GXYLT2: variants seen among roughly 807,000 people sequenced by gnomAD.
GXYLT2 encodes glucoside xylosyltransferase 2, also known as glycosyltransferase 8 domain containing 4.
GXYLT2 carries 53 observed loss-of-function variants against 45.8 expected under a neutral mutation model. The observed-to-expected ratio is 1.16, with a 90% confidence interval of 0.93 to 1.46. The LOEUF (loss-of-function observed/expected upper bound fraction) is 1.46. GXYLT2 is among the 40% of genes most tolerant of loss of function. The pLI is 0.00. For missense variants in GXYLT2, 551 were observed against 544.4 expected (o/e 1.01, Z -0.12); for synonymous variants, 219 against 214.2 (o/e 1.02, Z -0.19).
chr3:72,970,673 A>G (rs1710972028), intron 6 of GXYLT2, among the ~76,000 whole-genome samples: 1 of 152,036 alleles, frequency 6.6e-6, no homozygotes, highest in African/African-American at 2.4e-5. Context: ...CAGCCTGACC[A>G]ACATGGAGAA....
chr3:72,918,174 T>G (rs1709772688), intron 2 of GXYLT2, among the ~76,000 whole-genome samples: 1 of 152,210 alleles, frequency 6.6e-6, no homozygotes, highest in Non-Finnish European at 1.5e-5. Flanking sequence ...AGATTTGAAT[T>G]TCATATAATT....
intron 3 of GXYLT2, among the ~76,000 whole-genome samples, chr3:72,934,150 C>T (rs1002731198): frequency 2.7e-5 from 4 of 146,650 alleles, no homozygotes; most frequent in African/African-American, 7.6e-5. Flanking sequence ...GGTGTGATCA[C>T]AGCTTATTGA....
intron 6 of GXYLT2, among the ~76,000 whole-genome samples, chr3:72,971,188 C>A (rs2107159835): frequency 6.6e-6 from 1 of 152,244 alleles, no homozygotes; most frequent in Middle Eastern, 3.4e-3. Context: ...TGAGTTGCAA[C>A]TCATCTTGTT....
intron 3 of GXYLT2, among the ~76,000 whole-genome samples, chr3:72,934,806 A>C (rs1201834847): frequency 6.6e-6 from 1 of 152,158 alleles, no homozygotes. Context: ...CTTACACATG[A>C]ATGTTAAGAC....
At chr3:72,927,378 G>T (rs1709938697) in intron 3 of GXYLT2, 1 of 152,130 alleles carries the variant, frequency 6.6e-6, no homozygotes. Flanking sequence ...TGTAGTGAAA[G>T]CAACAATGTA....
Position 72,975,336 on chromosome 3 carries a change from A to AT in GXYLT2, c.*186dup, listed in dbSNP as rs988120906. The AT allele has an allele frequency of 1.6e-3, 621 of 377,846 alleles. No homozygotes were observed. The highest frequency in any genetic ancestry group is 3.9e-3 in the South Asian group (35 of 8,988). 23.4% of individuals were successfully genotyped at this position (377,846 alleles called of 1,614,324 possible). A position where few individuals can be genotyped will look rare whatever the true frequency, so the allele number is the denominator to read the frequency against. Reference sequence around the variant, plus strand: ...CCCAAAAGGGAATATGCTTTTCCTTATTTTTTTTTCTAAAATGCTATTTAT... The same window carrying AT: ...CCCAAAAGGGAATATGCTTTTCCTTATTTTTTTTTTCTAAAATGCTATTTAT... On this transcript the variant is annotated 3_prime_UTR_variant, in exon 7 of 7. Transcript: ENST00000389617.
At chr3:72,919,969 A>C (rs890038004) in intron 2 of GXYLT2, among the ~76,000 whole-genome samples, 8 of 152,254 alleles carry the variant, frequency 5.3e-5, no homozygotes, top group African/African-American at 1.7e-4. Context: ...ATATTGACTT[A>C]TCAGTTGTAA....
intron 3 of GXYLT2, among the ~76,000 whole-genome samples, chr3:72,931,521 G>A (rs1161306857): frequency 3.3e-5 from 5 of 151,946 alleles, no homozygotes; most frequent in Non-Finnish European, 7.4e-5. Flanking sequence ...GAGCCACCGC[G>A]CCCGGCCTAA....
intron 3 of GXYLT2, among the ~76,000 whole-genome samples, chr3:72,947,575 G>A (rs1377394168): frequency 1.3e-5 from 2 of 152,122 alleles, no homozygotes; most frequent in African/African-American, 2.4e-5. Context: ...GGAGATGGGT[G>A]GATCACTTGA....
chr3:72,912,013 A>ATTTTTTTT lies in GXYLT2; in HGVS notation c.468+3462_468+3469dup, dbSNP rs35108267. Among the ~76,000 whole-genome samples, 836 of 114,826 alleles carry ATTTTTTTT rather than the reference A, an allele frequency of 7.3e-3. 30 individuals carry two copies. The highest frequency in any genetic ancestry group is 0.031 in the African/African-American group (789 of 25,096). 75.3% of individuals were successfully genotyped at this position (114,826 alleles called of 152,430 possible). On this transcript the variant is annotated intron_variant, in intron 2 of 6. Coordinates refer to ENST00000389617, the MANE Select transcript of GXYLT2 (RefSeq NM_001080393.2). Reference sequence around the variant, plus strand: ...TGTGTGTATATATATATATATATATATTTTTTTTTTTTTTTGAGACAGCGT... The same window carrying ATTTTTTTT: ...TGTGTGTATATATATATATATATATATTTTTTTTTTTTTTTTTTTTTTTGAGACAGCGT...
chr3:72,955,612 G>A (rs1710625559), intron 4 of GXYLT2, among the ~76,000 whole-genome samples: 1 of 152,144 alleles, frequency 6.6e-6, no homozygotes, highest in African/African-American at 2.4e-5. Context: ...ATGTTTGAAC[G>A]CTTCATACCC....
At position 72,976,561 on chromosome 3, in the gene GXYLT2, C is replaced by A. The variant is rs1284338189; in HGVS notation, c.*1402C>A. 6.6e-6 allele frequency: 1 copy of A among 152,208 alleles called. No individual in the cohort carries two copies. Among genetic ancestry groups the A allele is most frequent in the Non-Finnish European group, 1.5e-5 (1 of 68,018 alleles). 9.4% of individuals were successfully genotyped at this position (152,208 alleles called of 1,614,324 possible). A position where few individuals can be genotyped will look rare whatever the true frequency, so the allele number is the denominator to read the frequency against. On this transcript the variant is annotated 3_prime_UTR_variant, in exon 7 of 7. Transcript: ENST00000389617. ...TTTCTTTCCCCCTAGGGTTACCTAG[C>A]TGGTCCATACAGGTTTTATCACCTC... is the stretch of plus-strand genomic sequence containing the variant.
intron 1 of GXYLT2, among the ~76,000 whole-genome samples, chr3:72,896,398 G>A (rs1380877631): frequency 6.6e-6 from 1 of 151,796 alleles, no homozygotes; most frequent in Non-Finnish European, 1.5e-5. Flanking sequence ...AATATAGTGA[G>A]ACACCCATCT....
At position 72,912,016 on chromosome 3, in the gene GXYLT2, T is replaced by A. The variant is rs973748712; in HGVS notation, c.468+3457T>A. ...GTGTATATATATATATATATATATT[T>A]TTTTTTTTTTTTGAGACAGCGTCTC... On this transcript the variant is annotated intron_variant, in intron 2 of 6. Coordinates refer to ENST00000389617, the MANE Select transcript of GXYLT2 (RefSeq NM_001080393.2). Among the ~76,000 whole-genome samples, 168 of 141,838 alleles carry A rather than the reference T, an allele frequency of 1.2e-3. 4 individuals carry two copies. The highest frequency in any genetic ancestry group is 8.6e-3 in the Admixed American group (122 of 14,200). 93.1% of individuals were successfully genotyped at this position (141,838 alleles called of 152,430 possible). A position where few individuals can be genotyped will look rare whatever the true frequency, so the allele number is the denominator to read the frequency against.
chr3:72,899,624 G>A (rs1559725773), intron 1 of GXYLT2, among the ~76,000 whole-genome samples: 1 of 152,124 alleles, frequency 6.6e-6, no homozygotes, highest in East Asian at 1.9e-4. Flanking sequence ...GGGAACTTTA[G>A]TAGTAACTCT....
chr3:72,972,699 G>C (rs9861719), intron 6 of GXYLT2, among the ~76,000 whole-genome samples: 92,747 of 137,886 alleles, frequency 0.67, 31,587 homozygotes, highest in Admixed American at 0.75. Flanking sequence ...AGACAATACT[G>C]ATTGAGAAAA....
At chr3:72,900,219 G>A (rs1447832701) in intron 1 of GXYLT2, among the ~76,000 whole-genome samples, 3 of 152,122 alleles carry the variant, frequency 2.0e-5, no homozygotes, top group Non-Finnish European at 2.9e-5. Flanking sequence ...TAATTAAGTC[G>A]CACGTTTGAG....
intron 1 of GXYLT2, among the ~76,000 whole-genome samples, chr3:72,901,065 G>C (rs1709392500): frequency 6.6e-6 from 1 of 152,032 alleles, no homozygotes; most frequent in African/African-American, 2.4e-5. Context: ...GAGGTGGGCA[G>C]ATCACCTGAG....
intron 5 of GXYLT2, among the ~76,000 whole-genome samples, chr3:72,959,038 G>C (rs866076158): frequency 6.7e-6 from 1 of 148,838 alleles, no homozygotes; most frequent in Non-Finnish European, 1.5e-5. Flanking sequence ...GACCTCCTGG[G>C]CTCAAGTGAT....
Sources: allele counts gnomAD v4.1 joint callset (sites outside exome capture counted in the v4.1 genomes callset), GRCh38; gene constraint gnomAD v4.1.1; transcripts MANE v1.5; gene names NCBI Gene and HGNC (gene_info 2026-07-23, HGNC 2026-07-21).